The following MYO9B variants were observed in gnomAD, a reference collection of about 807,000 sequenced individuals.
The protein encoded by MYO9B is unconventional myosin-IXb.
Under a neutral mutation model 229.5 loss-of-function variants are expected in MYO9B, and 71 were observed. The observed-to-expected ratio is 0.31, with a 90% CI of 0.26 to 0.38. MYO9B has a LOEUF of 0.38. Among genes scored for constraint, MYO9B ranks in the 10% least tolerant of loss-of-function variants. The pLI is 1.00. For missense variants in MYO9B, 2,255 were observed against 2,920.5 expected (o/e 0.77, Z 5.25); for synonymous variants, 1,185 against 1,235.8 (o/e 0.96, Z 0.86).
At chr19:17,167,122 GA>G (rs1269551961) in intron 10 of MYO9B, among the ~76,000 whole-genome samples, 1 of 150,800 alleles carries the variant, frequency 6.6e-6, no homozygotes, top group Non-Finnish European at 1.5e-5. Flanking sequence ...TCCCAAATCT[GA>G]AAATCCAAAA....
chr19:17,168,465 C>T (rs1389747839), intron 11 of MYO9B, among the ~76,000 whole-genome samples: 1 of 152,198 alleles, frequency 6.6e-6, no homozygotes. Flanking sequence ...CACGCCAGAC[C>T]TTGTGCTGAG....
At chr19:17,126,929 C>A (rs1306989270) in intron 2 of MYO9B, among the ~76,000 whole-genome samples, 13 of 106,580 alleles carry the variant, frequency 1.2e-4, no homozygotes, top group Non-Finnish European at 2.4e-4. Flanking sequence ...CCCCACCCCC[C>A]ACCCCCGGCC....
At position 17,185,901 on chromosome 19, in the gene MYO9B, C is replaced by T. The variant is rs1235186927; in HGVS notation, c.2497-20C>T. 1 of 1,609,144 alleles carries T rather than the reference C, an allele frequency of 6.2e-7. No homozygotes were observed. The highest frequency in any genetic ancestry group is 1.7e-5 in the Admixed American group (1 of 59,952). ...CAGGGTCCCTGATTCAACCCAAATG[C>T]TTTCTCTTTCCCTTAACAGACATCC... On this transcript the variant is annotated intron_variant, in intron 17 of 39. Coordinates refer to ENST00000682292, the MANE Select transcript of MYO9B (RefSeq NM_004145.4).
intron 1 of MYO9B, among the ~76,000 whole-genome samples, chr19:17,100,918 C>T (rs2057739004): frequency 6.6e-6 from 1 of 151,678 alleles, no homozygotes; most frequent in Non-Finnish European, 1.5e-5. Flanking sequence ...CCCCACATGC[C>T]TCTCGCTGTT....
At chr19:17,167,355 A>G (rs1021990545) in intron 10 of MYO9B, among the ~76,000 whole-genome samples, 1 of 151,114 alleles carries the variant, frequency 6.6e-6, no homozygotes, top group African/African-American at 2.4e-5. Flanking sequence ...CTGGTCTTGA[A>G]CTCCTGGCCT....
At chr19:17,145,277 G>C (rs779414262) in intron 2 of MYO9B, 120 bp from the exon 3 acceptor site, 207 of 975,738 alleles carry the variant, frequency 2.1e-4, no homozygotes, top group Non-Finnish European at 2.9e-4. Flanking sequence ...CTGTCTCCAA[G>C]AGAAAAAATA....
intron 3 of MYO9B, among the ~76,000 whole-genome samples, chr19:17,150,243 A>C (rs2072462033): frequency 6.6e-6 from 1 of 152,016 alleles, no homozygotes; most frequent in Non-Finnish European, 1.5e-5. Flanking sequence ...AACCCCATCT[A>C]CTAAAAATAA....
Position 17,206,317 on chromosome 19 carries a change from G to A in MYO9B, c.5327G>A (p.Arg1776Gln), listed in dbSNP as rs764590855. ...ACAGGGGTGCTGAAGCAGTGGCTGC[G>A]GGAGCTGCCCGAGCCCCTCATGACC... Reference protein sequence around the residue: ...AITGVLKQWLRELPEPLMTFA... With the variant: ...AITGVLKQWLQELPEPLMTFA... Residue 1776 changes from arginine to glutamine, a missense_variant, in exon 33 of 40, where the codon CGG becomes CAG. Physicochemically the swap from Arg to Gln is conservative, Grantham distance 43 (BLOSUM62 1). Transcript: ENST00000682292. The A allele has an allele frequency of 6.2e-7, 1 of 1,608,558 alleles. No homozygotes were observed. The highest frequency in any genetic ancestry group is 1.1e-5 in the South Asian group (1 of 90,446).
At chr19:17,133,849 C>G (rs534750334) in intron 2 of MYO9B, among the ~76,000 whole-genome samples, 109 of 152,286 alleles carry the variant, frequency 7.2e-4, no homozygotes, top group African/African-American at 2.5e-3. Context: ...CAAGCTCCGC[C>G]TCCCAGGTTC....
intron 22 of MYO9B, among the ~76,000 whole-genome samples, chr19:17,196,597 C>T (rs997293644): frequency 6.6e-6 from 1 of 151,318 alleles, no homozygotes; most frequent in Non-Finnish European, 1.5e-5. Flanking sequence ...ACAGGAGAAT[C>T]GCTTGAACCT....
chr19:17,208,374 A>G (rs1003514609), intron 35 of MYO9B, among the ~76,000 whole-genome samples: 6 of 147,940 alleles, frequency 4.1e-5, no homozygotes, highest in African/African-American at 1.5e-4. Flanking sequence ...CAGTGGCCCC[A>G]GCAGTTGTGT....
chr19:17,195,963 G>A lies in MYO9B; in HGVS notation c.4046+490G>A, dbSNP rs1599415496. On this transcript the variant is annotated intron_variant, in intron 22 of 39. Transcript: ENST00000682292. This position sits in a 1 kb window ranked among gnomAD's most constrained non-coding sequence, Gnocchi z 4.5. ...AGGAGACAGGCCTTCCCTGCAGCAGGCCTGCTCAGCCTCCCACTGCTCGTA... is the reference window on the plus strand; with the variant it reads ...AGGAGACAGGCCTTCCCTGCAGCAGACCTGCTCAGCCTCCCACTGCTCGTA... Among the ~76,000 whole-genome samples, 1 of 151,820 alleles carries A rather than the reference G, an allele frequency of 6.6e-6. No individual in the cohort carries two copies. The highest frequency in any genetic ancestry group is 6.6e-5 in the Admixed American group (1 of 15,236).
In MYO9B at chr19:17,212,505, C is replaced by T. The variant is rs865789964; in HGVS notation, c.*195C>T. On this transcript the variant is annotated 3_prime_UTR_variant, in exon 40 of 40. Coordinates refer to ENST00000682292, the MANE Select transcript of MYO9B (RefSeq NM_004145.4). The surrounding 1 kb of genome is among the most constrained non-coding windows in gnomAD (Gnocchi z 5.4). The stretch of plus-strand genomic sequence containing the variant: ...CCGGCTGGAGCCAGGCCCCCTCGCA[C>T]GCAGCCCCCAAATCATGGACGCACC... 3.5e-5 allele frequency: 20 copies of T among 572,478 alleles called. No individual in the cohort carries two copies. Among genetic ancestry groups the T allele is most frequent in the Middle Eastern group, 9.3e-4 (2 of 2,158 alleles). The allele number at this position is 572,478 out of a possible 1,614,324, so 35.5% of individuals were successfully genotyped here.
Position 17,205,876 on chromosome 19 carries a change from G to A in MYO9B, c.5065-84G>A, listed in dbSNP as rs371751338. On this transcript the variant is annotated intron_variant, in intron 31 of 39. Coordinates refer to ENST00000682292, the MANE Select transcript of MYO9B (RefSeq NM_004145.4). The stretch of plus-strand genomic sequence containing the variant: ...AGAGGAAGCCCTGAGGGCCTTGTGC[G>A]GGACCAGGAGGCAGAGGCCCCCAGA... The A allele has an allele frequency of 8.0e-5, 108 of 1,345,084 alleles. No homozygotes were observed. In the African/African-American group the frequency reaches 1.2e-3, roughly 15 times the overall value. The allele number at this position is 1,345,084 out of a possible 1,614,324, so 83.3% of individuals were successfully genotyped here.
intron 2 of MYO9B, among the ~76,000 whole-genome samples, chr19:17,129,283 T>A (rs1177171309): frequency 1.3e-5 from 2 of 152,110 alleles, no homozygotes; most frequent in African/African-American, 4.8e-5. Flanking sequence ...GCTCCTGTAG[T>A]TGCAGCTACT....
At chr19:17,160,510 CTTTTT>C (rs34857957) in intron 8 of MYO9B, among the ~76,000 whole-genome samples, 1 of 128,168 alleles carries the variant, frequency 7.8e-6, no homozygotes, top group Non-Finnish European at 1.6e-5. Flanking sequence ...TCTTTTTTTT[CTTTTT>C]TTTTTTTTTT....
rs35124094 is a variant in MYO9B, at chr19:17,115,469, C to CTTT, written c.840+12927_840+12929dup. 6.6e-4 allele frequency among the ~76,000 whole-genome samples: 88 copies of CTTT among 132,498 alleles called. 2 individuals carry two copies. Among genetic ancestry groups the CTTT allele is most frequent in the South Asian group, 1.2e-3 (5 of 4,132 alleles). The allele number at this position is 132,498 out of a possible 152,430, so 86.9% of individuals were successfully genotyped here. Reference sequence around the variant, plus strand: ...ATAAAGGTGACCATTTCACAGATGCCTTTTTTTTTTTTTTTTTGAAATGGA... The same window carrying CTTT: ...ATAAAGGTGACCATTTCACAGATGCCTTTTTTTTTTTTTTTTTTTTGAAATGGA... On this transcript the variant is annotated intron_variant, in intron 2 of 39. Transcript: ENST00000682292.
chr19:17,082,473 TG>T (rs2057542201), intron 1 of MYO9B, among the ~76,000 whole-genome samples: 1 of 152,132 alleles, frequency 6.6e-6, no homozygotes, highest in East Asian at 1.9e-4. Context: ...CTGGGCTCAC[TG>T]CTCAGAGCAT....
chr19:17,102,502 A>G lies in MYO9B; in HGVS notation c.785A>G (p.Lys262Arg), dbSNP rs2057754568. The G allele has an allele frequency of 6.2e-7, 1 of 1,613,322 alleles. No homozygotes were observed. The highest frequency in any genetic ancestry group is 8.5e-7 in the Non-Finnish European group (1 of 1,179,632). The change falls in exon 2 of 40, where the codon AAG becomes AGG. Residue 262 changes from lysine to arginine, a missense_variant. Lys to Arg is a conservative substitution (Grantham distance 26). Transcript: ENST00000682292. ...CACTGCCTCACCGCCCTCAGCCAGA[A>G]GGGCTACGCCAGCGGCGTCGAGAGG... is the stretch of plus-strand genomic sequence containing the variant. ...LIHCLTALSQ[K>R]GYASGVERTI...
Sources: allele counts gnomAD v4.1 joint callset (sites outside exome capture counted in the v4.1 genomes callset), GRCh38; gene constraint gnomAD v4.1.1; non-coding constraint Gnocchi (gnomAD v3.1); transcripts MANE v1.5; gene names NCBI Gene and HGNC (gene_info 2026-07-23, HGNC 2026-07-21).